Variants in ARHGAP21 observed in about 807,000 individuals in gnomAD.
ARHGAP21 encodes rho GTPase-activating protein 21.
In ARHGAP21, 38 loss-of-function variants were observed where a neutral mutation model predicts 164.6. The ratio of observed to expected loss-of-function variants is 0.23; its 90% CI spans 0.18 to 0.30. ARHGAP21 has a LOEUF of 0.30. Ranked by LOEUF, ARHGAP21 falls within the 10% of genes least tolerant of loss-of-function variation. The pLI is 1.00. For missense variants in ARHGAP21, 1,822 were observed against 2,370.7 expected (o/e 0.77, Z 4.81); for synonymous variants, 766 against 857.9 (o/e 0.89, Z 1.87).
At chr10:24,670,716 A>C (rs753043570) in intron 2 of ARHGAP21, among the ~76,000 whole-genome samples, 11 of 152,176 alleles carry the variant, frequency 7.2e-5, no homozygotes, top group Non-Finnish European at 1.5e-4. Context: ...ATACCAAAGA[A>C]ATTTTAAAGA....
intron 5 of ARHGAP21, among the ~76,000 whole-genome samples, chr10:24,634,804 A>G (rs1836204895): frequency 6.6e-6 from 1 of 152,230 alleles, no homozygotes; most frequent in Non-Finnish European, 1.5e-5. Context: ...CTCACAGTGT[A>G]TCAATTTATA....
At chr10:24,594,213 T>TG (rs1226508948) in intron 21 of ARHGAP21, among the ~76,000 whole-genome samples, 6 of 152,236 alleles carry the variant, frequency 3.9e-5, no homozygotes, top group African/African-American at 1.4e-4. Flanking sequence ...TTAAAATCTC[T>TG]GATGATATAA....
chr10:24,602,661 G>A (rs1452647259), intron 12 of ARHGAP21, among the ~76,000 whole-genome samples: 2 of 152,176 alleles, frequency 1.3e-5, no homozygotes, highest in Non-Finnish European at 2.9e-5. Context: ...ATGGTAGGAA[G>A]TGTGAAAGAA....
chr10:24,692,504 C>CA (rs1223290926), intron 2 of ARHGAP21, among the ~76,000 whole-genome samples: 1 of 152,142 alleles, frequency 6.6e-6, no homozygotes, highest in Non-Finnish European at 1.5e-5. Context: ...CAGTAACAGC[C>CA]AAAAGTTGGA....
At chr10:24,693,019 G>A (rs997487060) in intron 2 of ARHGAP21, among the ~76,000 whole-genome samples, 3 of 152,050 alleles carry the variant, frequency 2.0e-5, no homozygotes, top group South Asian at 2.1e-4. Flanking sequence ...ATATTCACAC[G>A]AAAGTTCAAA....
intron 7 of ARHGAP21, among the ~76,000 whole-genome samples, chr10:24,625,433 G>C (rs925385805): frequency 7.3e-5 from 11 of 151,388 alleles, no homozygotes; most frequent in African/African-American, 2.7e-4. Flanking sequence ...GTAACTTCAT[G>C]TTTGTTGGTA....
At chr10:24,717,410 G>A (rs1404509598) in intron 2 of ARHGAP21, among the ~76,000 whole-genome samples, 3 of 152,192 alleles carry the variant, frequency 2.0e-5, no homozygotes, top group Non-Finnish European at 4.4e-5. Flanking sequence ...GGGGGATATA[G>A]ATAAACTTGT....
chr10:24,643,754 G>T (rs7075091), intron 4 of ARHGAP21, among the ~76,000 whole-genome samples: 124,931 of 152,220 alleles, frequency 0.82, 51,608 homozygotes, highest in African/African-American at 0.92. Context: ...TAAAACTGCA[G>T]GACAAGCATT....
In ARHGAP21 at chr10:24,604,339, C is replaced by T. The variant is rs767043163; in HGVS notation, c.2694G>A (p.Lys898=). 2 of 1,589,714 alleles carry T rather than the reference C, an allele frequency of 1.3e-6. No individual in the cohort carries two copies. Among genetic ancestry groups the T allele is most frequent in the African/African-American group, 2.7e-5 (2 of 73,994 alleles). ...DYREDAKLSF[K]HVSSLKGIKI... is the part of the protein sequence containing the mutation. The stretch of plus-strand genomic sequence containing the variant: ...TGATTCCCTTCAGACTAGATACGTG[C>T]TTAAAGGACCTGTTGGGGAAAAAAT... Residue 898 remains lysine (K), a synonymous_variant, in exon 12 of 26, where the codon AAG becomes AAA. Transcript: ENST00000396432.
chr10:24,709,600 T>G (rs192397408), intron 2 of ARHGAP21, among the ~76,000 whole-genome samples: 49 of 151,924 alleles, frequency 3.2e-4, no homozygotes, highest in Non-Finnish European at 6.5e-4. Flanking sequence ...ATTAGCCAGG[T>G]GTGATGGTGC....
intron 2 of ARHGAP21, among the ~76,000 whole-genome samples, chr10:24,671,505 G>A (rs577062072): frequency 7.9e-5 from 12 of 151,980 alleles, no homozygotes; most frequent in African/African-American, 2.7e-4. Flanking sequence ...ACCTGCAACC[G>A]TGCCCATGTT....
intron 4 of ARHGAP21, among the ~76,000 whole-genome samples, chr10:24,647,922 CT>C (rs1837738162): frequency 6.6e-6 from 1 of 152,198 alleles, no homozygotes; most frequent in African/African-American, 2.4e-5. Flanking sequence ...ACTGCAACCT[CT>C]GCCTCTTGGG....
chr10:24,691,704 T>C (rs1225268324), intron 2 of ARHGAP21, among the ~76,000 whole-genome samples: 1 of 152,192 alleles, frequency 6.6e-6, no homozygotes, highest in African/African-American at 2.4e-5. Context: ...CATTATAAGA[T>C]GGATTATTTT....
chr10:24,622,691 A>G, intron 8 of ARHGAP21, 42 bp downstream of exon 8: 6 of 1,587,644 alleles, frequency 3.8e-6, no homozygotes, highest in Non-Finnish European at 5.1e-6. Flanking sequence ...TCTACAAAAC[A>G]TGACTTAAAA....
At chr10:24,616,603 G>C (rs1439904204) in intron 9 of ARHGAP21, among the ~76,000 whole-genome samples, 1 of 152,214 alleles carries the variant, frequency 6.6e-6, no homozygotes, top group Non-Finnish European at 1.5e-5. Context: ...GTAAGATGGA[G>C]GAGGAGTCTT....
intron 7 of ARHGAP21, among the ~76,000 whole-genome samples, chr10:24,624,191 T>C (rs566459436): frequency 3.5e-4 from 54 of 152,214 alleles, no homozygotes; most frequent in African/African-American, 1.3e-3. Context: ...ATGGTTGAGA[T>C]AAAATATGAA....
At chr10:24,603,521 C>T (rs1490878040) in intron 12 of ARHGAP21, among the ~76,000 whole-genome samples, 1 of 152,076 alleles carries the variant, frequency 6.6e-6, no homozygotes, top group Non-Finnish European at 1.5e-5. Context: ...GGAAATAGAA[C>T]ATGGGTGCAG....
intron 2 of ARHGAP21, among the ~76,000 whole-genome samples, chr10:24,685,115 T>C (rs1267901572): frequency 6.6e-6 from 1 of 152,218 alleles, no homozygotes; most frequent in Non-Finnish European, 1.5e-5. Context: ...GCCATTCATG[T>C]ATTTCTTCCT....
chr10:24,643,726 CCTG>C (rs1278412126), intron 4 of ARHGAP21, among the ~76,000 whole-genome samples: 1 of 152,166 alleles, frequency 6.6e-6, no homozygotes, highest in African/African-American at 2.4e-5. Context: ...TTGTTCTTGG[CCTG>C]CTACTACAGC....
Sources: allele counts gnomAD v4.1 joint callset (sites outside exome capture counted in the v4.1 genomes callset), GRCh38; gene constraint gnomAD v4.1.1; transcripts MANE v1.5; gene names NCBI Gene and HGNC (gene_info 2026-07-23, HGNC 2026-07-21).